Variants in ARHGAP15 observed in about 807,000 individuals in gnomAD.
The protein encoded by ARHGAP15 is Rho GTPase activating protein 15, also known as rho GTPase-activating protein 15.
A neutral mutation model predicts 63.7 loss-of-function variants in ARHGAP15; 51 were observed. The ratio of observed to expected loss-of-function variants is 0.80; its 90% CI spans 0.64 to 1.01. The LOEUF (loss-of-function observed/expected upper bound fraction) is 1.01, where lower values mean the gene tolerates loss of function less well. Ranked by LOEUF, ARHGAP15 falls within the 50% of genes least tolerant of loss-of-function variation. The probability of loss-of-function intolerance (pLI) is 0.00; values close to 1 mark genes in which losing one functional copy is unlikely to be tolerated. For synonymous variants in ARHGAP15, 191 were observed against 193.8 expected (o/e 0.99, Z 0.12); for missense variants, 560 against 564.6 (o/e 0.99, Z 0.08).
intron 5 of ARHGAP15, among the ~76,000 whole-genome samples, chr2:143,232,241 G>A (rs553034073): frequency 1.8e-4 from 28 of 152,198 alleles, no homozygotes; most frequent in Admixed American, 5.2e-4. Context: ...TTTTATAACA[G>A]AAAGGACATT....
intron 6 of ARHGAP15, among the ~76,000 whole-genome samples, chr2:143,271,896 G>A (rs1356672929): frequency 1.3e-5 from 2 of 152,178 alleles, no homozygotes; most frequent in Admixed American, 6.5e-5. Flanking sequence ...ATTAAAAGGA[G>A]ATGGATTTAT....
intron 5 of ARHGAP15, among the ~76,000 whole-genome samples, chr2:143,241,984 C>T (rs1268320411): frequency 6.6e-6 from 1 of 152,138 alleles, no homozygotes; most frequent in Non-Finnish European, 1.5e-5. Flanking sequence ...AGGAAGGGAG[C>T]AGAAGAAGGA....
At chr2:143,477,593 C>T (rs1364797696) in intron 8 of ARHGAP15, among the ~76,000 whole-genome samples, 1 of 151,118 alleles carries the variant, frequency 6.6e-6, no homozygotes, top group Non-Finnish European at 1.5e-5. Flanking sequence ...AATACAGGCA[C>T]AAAAAACTGG....
intron 6 of ARHGAP15, among the ~76,000 whole-genome samples, chr2:143,405,799 T>C (rs1212770996): frequency 6.6e-6 from 1 of 151,880 alleles, no homozygotes; most frequent in Non-Finnish European, 1.5e-5. Flanking sequence ...TTCTCCATCG[T>C]TTCTTGCATA....
chr2:143,457,885 A>C (rs1426742851), intron 8 of ARHGAP15, among the ~76,000 whole-genome samples: 1 of 151,872 alleles, frequency 6.6e-6, no homozygotes, highest in East Asian at 1.9e-4. Context: ...CATAGTATTA[A>C]ATGTTTTTAA....
At chr2:143,729,699 G>C (rs959795895) in intron 13 of ARHGAP15, among the ~76,000 whole-genome samples, 1 of 152,178 alleles carries the variant, frequency 6.6e-6, no homozygotes, top group Non-Finnish European at 1.5e-5. Context: ...GACACATCCT[G>C]CTCTCTCTAC....
At chr2:143,618,694 C>T (rs998098631) in intron 11 of ARHGAP15, among the ~76,000 whole-genome samples, 1 of 152,108 alleles carries the variant, frequency 6.6e-6, no homozygotes, top group African/African-American at 2.4e-5. Flanking sequence ...CTGGATAGTC[C>T]AAGTGCAAGC....
intron 11 of ARHGAP15, among the ~76,000 whole-genome samples, chr2:143,561,951 C>T (rs1019431256): frequency 2.6e-5 from 4 of 152,078 alleles, no homozygotes; most frequent in Non-Finnish European, 4.4e-5. Flanking sequence ...AGCACACACA[C>T]GCATGTGCAT....
chr2:143,165,552 G>C (rs1274428271), intron 2 of ARHGAP15, among the ~76,000 whole-genome samples: 2 of 152,048 alleles, frequency 1.3e-5, no homozygotes, highest in African/African-American at 2.4e-5. Flanking sequence ...GCAAATCCTA[G>C]AGGCCCACTG....
intron 6 of ARHGAP15, among the ~76,000 whole-genome samples, chr2:143,282,525 C>CTT (rs1681903332): frequency 6.6e-6 from 1 of 152,024 alleles, no homozygotes. Context: ...TCTCATGAGA[C>CTT]ATGCGCAGAA....
At chr2:143,632,660 T>G (rs920935786) in intron 12 of ARHGAP15, among the ~76,000 whole-genome samples, 2 of 152,160 alleles carry the variant, frequency 1.3e-5, no homozygotes, top group African/African-American at 2.4e-5. Context: ...AGTCACATCC[T>G]CATCAGATAA....
At chr2:143,368,203 G>A (rs1398267634) in intron 6 of ARHGAP15, among the ~76,000 whole-genome samples, 3 of 152,058 alleles carry the variant, frequency 2.0e-5, no homozygotes, top group Non-Finnish European at 4.4e-5. Context: ...AAACTACAGT[G>A]CAATGTGGAA....
chr2:143,256,613 A>G (rs1405309990), intron 6 of ARHGAP15, among the ~76,000 whole-genome samples: 1 of 152,156 alleles, frequency 6.6e-6, no homozygotes, highest in Non-Finnish European at 1.5e-5. Context: ...AAGAGGGACA[A>G]TAGTGACACT....
At position 143,664,912 on chromosome 2, in the gene ARHGAP15, G is replaced by T. The variant is rs1302757947; in HGVS notation, c.1139-38507G>T. On this transcript the variant is annotated intron_variant, in intron 12 of 13. Coordinates refer to ENST00000295095, the MANE Select transcript of ARHGAP15 (RefSeq NM_018460.4). Reference sequence around the variant, plus strand: ...TAGACCAATAACAGGAGCTGAAATTGTGGCAATAATCAATAGTTTACCAAC... The same window carrying T: ...TAGACCAATAACAGGAGCTGAAATTTTGGCAATAATCAATAGTTTACCAAC... 1.3e-5 allele frequency among the ~76,000 whole-genome samples: 2 copies of T among 151,902 alleles called. 1 individual carries two copies. The highest frequency in any genetic ancestry group is 2.9e-5 in the Non-Finnish European group (2 of 67,880).
chr2:143,514,914 A>T (rs1693743258), intron 9 of ARHGAP15, among the ~76,000 whole-genome samples: 2 of 152,098 alleles, frequency 1.3e-5, no homozygotes, highest in Non-Finnish European at 2.9e-5. Context: ...ACACATTTCC[A>T]CTCACATCAT....
intron 13 of ARHGAP15, among the ~76,000 whole-genome samples, chr2:143,734,103 C>A (rs910167498): frequency 6.6e-6 from 1 of 152,152 alleles, no homozygotes; most frequent in African/African-American, 2.4e-5. Context: ...GCCTTCCCTA[C>A]CTTGGTTTAG....
At chr2:143,681,742 T>G (rs138483427) in intron 12 of ARHGAP15, among the ~76,000 whole-genome samples, 116 of 152,292 alleles carry the variant, frequency 7.6e-4, no homozygotes, top group African/African-American at 2.6e-3. Context: ...TGCAAGAATT[T>G]TTCACTCTAA....
chr2:143,197,638 T>A (rs943925140), intron 2 of ARHGAP15, among the ~76,000 whole-genome samples: 1 of 152,028 alleles, frequency 6.6e-6, no homozygotes, highest in South Asian at 2.1e-4. Flanking sequence ...TAATCTGATT[T>A]GGAGTGATCA....
rs149391812 is a variant in ARHGAP15 at position 143,546,166 on chromosome 2, C to T, written c.926-10242C>T. The stretch of plus-strand genomic sequence containing the variant: ...GTTTGGGAATCCATTTTCCCACATT[C>T]CTGAATCTCAATCATCCCAGCCAAT... On this transcript the variant is annotated intron_variant, in intron 10 of 13. Coordinates refer to ENST00000295095, the MANE Select transcript of ARHGAP15 (RefSeq NM_018460.4). Among the ~76,000 whole-genome samples, 1,066 of 152,172 alleles carry T rather than the reference C, an allele frequency of 7.0e-3. 3 individuals carry two copies. Among genetic ancestry groups the T allele is most frequent in the Middle Eastern group, 0.014 (4 of 294 alleles).
Sources: gnomAD v4.1 joint callset for allele counts (sites outside exome capture counted in the v4.1 genomes callset) on GRCh38, gnomAD v4.1.1 for gene constraint, MANE v1.5 for transcripts, NCBI Gene and HGNC (gene_info 2026-07-23, HGNC 2026-07-21) for gene names.